The following RNF128 variants were observed in gnomAD, a reference collection of about 807,000 sequenced individuals.
RNF128 encodes E3 ubiquitin-protein ligase RNF128.
RNF128 carries 13 observed loss-of-function variants against 26.2 expected under a neutral mutation model. The observed-to-expected ratio is 0.50, with a 90% CI of 0.32 to 0.79. RNF128 has a LOEUF of 0.79. RNF128 is among the 30% of genes least tolerant of loss of function. The pLI is 0.03. For missense variants in RNF128, 315 were observed against 349.7 expected (o/e 0.90, Z 0.79); for synonymous variants, 149 against 142.5 (o/e 1.05, Z -0.32).
intron 1 of RNF128, among the ~76,000 whole-genome samples, chrX:106,765,965 G>A (rs189689976): frequency 2.5e-4 from 27 of 106,188 alleles, no homozygotes; most frequent in Admixed American, 1.1e-3. Context: ...GAGAACATGC[G>A]GTGTTTGGTT....
At chrX:106,755,135 C>T (rs184905584) in intron 1 of RNF128, among the ~76,000 whole-genome samples, 83 of 111,789 alleles carry the variant, frequency 7.4e-4, no homozygotes, top group African/African-American at 2.6e-3. Flanking sequence ...AGCAGCTATA[C>T]GCCAATAAAT....
At chrX:106,769,845 C>T (rs966889944) in intron 1 of RNF128, among the ~76,000 whole-genome samples, 1 of 111,083 alleles carries the variant, frequency 9.0e-6, no homozygotes, top group Non-Finnish European at 1.9e-5. Context: ...TTCCTAGCAT[C>T]GATGGTCTTT....
intron 3 of RNF128, among the ~76,000 whole-genome samples, chrX:106,786,174 T>A (rs1229949241): frequency 8.9e-6 from 1 of 112,024 alleles, no homozygotes; most frequent in East Asian, 2.8e-4. Context: ...TCAAGAATTA[T>A]TTTAAAGTCA....
intron 1 of RNF128, among the ~76,000 whole-genome samples, chrX:106,739,723 T>C (rs919537051): frequency 3.6e-5 from 4 of 111,512 alleles, no homozygotes; most frequent in African/African-American, 1.3e-4. Context: ...TTATAATTCA[T>C]GTGTGGACCT....
At chrX:106,764,559 C>T (rs986985289) in intron 1 of RNF128, among the ~76,000 whole-genome samples, 9 of 109,184 alleles carry the variant, frequency 8.2e-5, no homozygotes, top group African/African-American at 1.0e-4. Flanking sequence ...GCCAGCTACT[C>T]GGGAGGCTGA....
chrX:106,724,622 A>T (rs983192437), upstream of RNF128, among the ~76,000 whole-genome samples: 7 of 111,473 alleles, frequency 6.3e-5, no homozygotes, highest in African/African-American at 1.3e-4. Flanking sequence ...TTTCTTTTTC[A>T]TATTTCAATG....
chrX:106,706,479 T>C (rs1004534201), intron 1 of RNF128, among the ~76,000 whole-genome samples: 1 of 112,116 alleles, frequency 8.9e-6, no homozygotes, highest in African/African-American at 3.2e-5. Flanking sequence ...TTACATTTCA[T>C]AGTTCTATCT....
intron 1 of RNF128, among the ~76,000 whole-genome samples, chrX:106,707,077 C>T (rs138047342): frequency 2.8e-3 from 310 of 111,975 alleles, no homozygotes; most frequent in African/African-American, 9.7e-3. Context: ...TGCCTTTTTG[C>T]CTATTTTTAT....
chrX:106,778,591 A>G (rs1401823513), intron 2 of RNF128, among the ~76,000 whole-genome samples: 1 of 111,897 alleles, frequency 8.9e-6, no homozygotes, highest in Non-Finnish European at 1.9e-5. Flanking sequence ...ATCAAGATTG[A>G]TGATATCCTA....
chrX:106,750,877 A>G (rs1929871602), intron 1 of RNF128, among the ~76,000 whole-genome samples: 1 of 112,210 alleles, frequency 8.9e-6, no homozygotes, highest in Admixed American at 9.5e-5. Context: ...TTCCATTTCC[A>G]AAAATTTATG....
chrX:106,722,321 C>A (rs1929327114), upstream of RNF128, among the ~76,000 whole-genome samples: 1 of 111,045 alleles, frequency 9.0e-6, no homozygotes, highest in Non-Finnish European at 1.9e-5. Flanking sequence ...TCTAGTCTAC[C>A]CTAGGGCTCC....
intron 1 of RNF128, among the ~76,000 whole-genome samples, chrX:106,754,830 A>G (rs375709494): frequency 1.9e-4 from 21 of 111,377 alleles, no homozygotes; most frequent in African/African-American, 3.9e-4. Flanking sequence ...GCCTACATCA[A>G]AAATGTAGAA....
At chrX:106,790,594 T>C (rs1218840029) in intron 5 of RNF128, among the ~76,000 whole-genome samples, 2 of 110,938 alleles carry the variant, frequency 1.8e-5, no homozygotes, top group African/African-American at 6.5e-5. Context: ...AAACTTGTAG[T>C]TAAATAAGCA....
At chrX:106,747,787 AATT>A (rs1929813870) in intron 1 of RNF128, among the ~76,000 whole-genome samples, 2 of 112,206 alleles carry the variant, frequency 1.8e-5, no homozygotes. Context: ...GTGATTTGGG[AATT>A]ATTATTTTCT....
At chrX:106,697,289 C>A (rs1052107815) in intron 1 of RNF128, among the ~76,000 whole-genome samples, 4 of 111,612 alleles carry the variant, frequency 3.6e-5, no homozygotes, top group Non-Finnish European at 5.7e-5. Flanking sequence ...GTTTTTGTGG[C>A]GAGGACACTG....
At position 106,791,315 on chromosome X, in the gene RNF128, C is replaced by T; in HGVS notation, c.1153+81C>T. ...CCTGTATAGTACTCTTGCTTTTTAGCGTTTGTTCCATTCAGCCATTATCAT... is the reference window on the plus strand; with the variant it reads ...CCTGTATAGTACTCTTGCTTTTTAGTGTTTGTTCCATTCAGCCATTATCAT... On this transcript the variant is annotated intron_variant, in intron 6 of 6. Coordinates refer to ENST00000255499, the MANE Select transcript of RNF128 (RefSeq NM_194463.2). The T allele has an allele frequency of 7.5e-6, 7 of 938,727 alleles. No homozygotes were observed. In the South Asian group the frequency reaches 2.0e-4, roughly 26 times the overall value. The allele number at this position is 938,727 out of a possible 1,213,427, so 77.4% of individuals were successfully genotyped here. A position where few individuals can be genotyped will look rare whatever the true frequency, so the allele number is the denominator to read the frequency against.
chrX:106,755,904 A>C (rs1929999532), intron 1 of RNF128, among the ~76,000 whole-genome samples: 1 of 111,007 alleles, frequency 9.0e-6, no homozygotes, highest in Non-Finnish European at 1.9e-5. Context: ...ATACAAAATC[A>C]ATGTGCAAAA....
At chrX:106,725,368 A>G (rs1171097747), upstream of RNF128, among the ~76,000 whole-genome samples, 1 of 112,113 alleles carries the variant, frequency 8.9e-6, no homozygotes, top group African/African-American at 3.2e-5. Context: ...CTCTCAAGCC[A>G]TAAGAGTATC....
intron 1 of RNF128, among the ~76,000 whole-genome samples, chrX:106,709,773 C>T (rs751245709): frequency 9.0e-6 from 1 of 111,377 alleles, no homozygotes; most frequent in Admixed American, 9.5e-5. Flanking sequence ...CTCGAACTCT[C>T]GACCTCAGGT....
Sources: allele counts gnomAD v4.1 joint callset (sites outside exome capture counted in the v4.1 genomes callset), GRCh38; gene constraint gnomAD v4.1.1; transcripts MANE v1.5; gene names NCBI Gene and HGNC (gene_info 2026-07-23, HGNC 2026-07-21).